INPP4B: variants seen among roughly 807,000 people sequenced by gnomAD.
INPP4B encodes inositol polyphosphate-4-phosphatase type II B.
A neutral mutation model predicts 122.5 loss-of-function variants in INPP4B; 55 were observed. The observed-to-expected ratio is 0.45, with a 90% CI of 0.36 to 0.56. INPP4B has a LOEUF of 0.56. INPP4B is among the 20% of genes least tolerant of loss of function. The pLI is 0.00. For synonymous variants in INPP4B, 403 were observed against 388.7 expected (o/e 1.04, Z -0.43); for missense variants, 1,000 against 1,097.7 (o/e 0.91, Z 1.26).
rs567861010 is a variant in INPP4B, at chr4:142,141,469, A to G, written c.1720+4371T>C. 3.7e-4 allele frequency among the ~76,000 whole-genome samples: 56 copies of G among 152,256 alleles called. 1 individual carries two copies. Among genetic ancestry groups the G allele is most frequent in the African/African-American group, 1.2e-3 (50 of 41,574 alleles). ...GCTTAGAAAGGTATTTGAGTGTACT[A>G]CAAATAAAAGGACAATCTTCATTCA... On this transcript the variant is annotated intron_variant, in intron 18 of 25. Transcript: ENST00000262992.
chr4:142,185,038 C>T (rs747449816), intron 15 of INPP4B, among the ~76,000 whole-genome samples: 26 of 152,010 alleles, frequency 1.7e-4, no homozygotes, highest in African/African-American at 4.4e-4. Flanking sequence ...GAAGGAAGGA[C>T]GGTAATTAAG....
chr4:142,047,579 G>C, intron 25 of INPP4B, among the ~76,000 whole-genome samples: 1 of 152,142 alleles, frequency 6.6e-6, no homozygotes, highest in Admixed American at 6.6e-5. Flanking sequence ...ATGGGGTGTA[G>C]AGTAGAGATT....
At chr4:142,117,874 G>T (rs920422202) in intron 21 of INPP4B, among the ~76,000 whole-genome samples, 2 of 152,170 alleles carry the variant, frequency 1.3e-5, no homozygotes, top group African/African-American at 4.8e-5. Context: ...CAGATGACAT[G>T]ATTGTATATC....
chr4:142,120,042 A>C (rs1228342313), intron 21 of INPP4B, among the ~76,000 whole-genome samples: 2 of 151,684 alleles, frequency 1.3e-5, no homozygotes, highest in Non-Finnish European at 2.9e-5. Context: ...TGTATGTGTA[A>C]ATTCTTCTCT....
chr4:142,376,604 A>T (rs2148789119), intron 7 of INPP4B, among the ~76,000 whole-genome samples: 1 of 152,112 alleles, frequency 6.6e-6, no homozygotes, highest in South Asian at 2.1e-4. Context: ...CTCCTTAAGA[A>T]ATTCAACTTT....
At chr4:142,207,722 G>A (rs1420479595) in intron 14 of INPP4B, among the ~76,000 whole-genome samples, 1 of 151,920 alleles carries the variant, frequency 6.6e-6, no homozygotes, top group East Asian at 1.9e-4. Flanking sequence ...AGCAAACCAG[G>A]GCATATAGTC....
intron 2 of INPP4B, among the ~76,000 whole-genome samples, chr4:142,706,554 C>T (rs1290149709): frequency 3.3e-5 from 5 of 152,202 alleles, no homozygotes; most frequent in African/African-American, 1.2e-4. Context: ...CAGAGCTCAG[C>T]CACCAGAGCT....
intron 2 of INPP4B, among the ~76,000 whole-genome samples, chr4:142,694,381 A>T (rs1760718508): frequency 6.6e-6 from 1 of 151,886 alleles, no homozygotes; most frequent in African/African-American, 2.4e-5. Flanking sequence ...CAAAAAAAAA[A>T]AACAAAAAAG....
chr4:142,704,116 C>T (rs1204802488), intron 2 of INPP4B, among the ~76,000 whole-genome samples: 1 of 152,084 alleles, frequency 6.6e-6, no homozygotes, highest in Non-Finnish European at 1.5e-5. Context: ...AACGGGATGG[C>T]AAGATAAGGA....
At chr4:142,224,839 T>C (rs1850842687) in intron 12 of INPP4B, among the ~76,000 whole-genome samples, 1 of 152,116 alleles carries the variant, frequency 6.6e-6, no homozygotes, top group African/African-American at 2.4e-5. Context: ...ATACAACATT[T>C]GCAAACTGTG....
At chr4:142,583,430 G>A (rs1406738342) in intron 2 of INPP4B, 1 of 152,136 alleles carries the variant, frequency 6.6e-6, no homozygotes, top group African/African-American at 2.4e-5. Flanking sequence ...ATTATTTTGA[G>A]CTTTCTCTCT....
intron 25 of INPP4B, among the ~76,000 whole-genome samples, chr4:142,044,951 G>C (rs1750519262): frequency 6.6e-6 from 1 of 152,122 alleles, no homozygotes; most frequent in Non-Finnish European, 1.5e-5. Context: ...AAGTAACCCA[G>C]TTAGAAAATT....
At chr4:142,312,529 G>T (rs912934277) in intron 8 of INPP4B, among the ~76,000 whole-genome samples, 8 of 152,226 alleles carry the variant, frequency 5.3e-5, no homozygotes, top group Admixed American at 2.0e-4. Flanking sequence ...GCCTGAAGCT[G>T]CTGGCACTCA....
chr4:142,678,789 T>C (rs1248737121), intron 2 of INPP4B, among the ~76,000 whole-genome samples: 3 of 152,040 alleles, frequency 2.0e-5, no homozygotes, highest in African/African-American at 7.2e-5. Flanking sequence ...AGACCATCCT[T>C]GGAGCATTTA....
intron 1 of INPP4B, among the ~76,000 whole-genome samples, chr4:142,805,800 T>TTC (rs1280606438): frequency 6.6e-6 from 1 of 152,176 alleles, no homozygotes; most frequent in Non-Finnish European, 1.5e-5. Flanking sequence ...CCAGGAAGAC[T>TTC]TCTGTTCAAT....
chr4:142,137,747 A>G (rs1304651224), intron 18 of INPP4B, among the ~76,000 whole-genome samples: 2 of 150,928 alleles, frequency 1.3e-5, no homozygotes, highest in East Asian at 3.9e-4. Context: ...ACACTTCTCA[A>G]AAGAAGACAT....
intron 12 of INPP4B, among the ~76,000 whole-genome samples, chr4:142,215,579 C>T (rs918849978): frequency 1.3e-5 from 2 of 151,980 alleles, no homozygotes. Flanking sequence ...CATTATAAGA[C>T]CCAAAGATAA....
chr4:142,378,083 A>AT (rs1179502783), intron 7 of INPP4B, among the ~76,000 whole-genome samples: 12 of 152,168 alleles, frequency 7.9e-5, no homozygotes, highest in Non-Finnish European at 1.5e-4. Context: ...TTTCCAAAGT[A>AT]CTTTTACATG....
chr4:142,581,975 C>T (rs1735182078), intron 2 of INPP4B, among the ~76,000 whole-genome samples: 1 of 152,002 alleles, frequency 6.6e-6, no homozygotes, highest in South Asian at 2.1e-4. Flanking sequence ...AAAAAACCTA[C>T]TTAAAAAATA....
Sources: gnomAD v4.1 joint callset for allele counts (sites outside exome capture counted in the v4.1 genomes callset) on GRCh38, gnomAD v4.1.1 for gene constraint, MANE v1.5 for transcripts, NCBI Gene and HGNC (gene_info 2026-07-23, HGNC 2026-07-21) for gene names.